ERICH6: variants seen among roughly 807,000 people sequenced by gnomAD.
ERICH6 encodes glutamate rich 6.
Under a neutral mutation model 71.0 loss-of-function variants are expected in ERICH6, and 71 were observed. That is an observed-to-expected ratio of 1.00 (90% CI 0.83 to 1.22). The LOEUF (loss-of-function observed/expected upper bound fraction) is 1.22. ERICH6 is among the 50% of genes most tolerant of loss of function. ERICH6 has a pLI of 0.00. For missense variants in ERICH6, 808 were observed against 797.2 expected (o/e 1.01, Z -0.16); for synonymous variants, 262 against 278.4 (o/e 0.94, Z 0.59).
At chr3:150,672,264 CAT>C (rs57492414) in intron 11 of ERICH6, among the ~76,000 whole-genome samples, 12 of 123,546 alleles carry the variant, frequency 9.7e-5, no homozygotes, top group African/African-American at 9.7e-5. Context: ...TTTATATATA[CAT>C]ATATATATAT....
chr3:150,669,571 A>G, intron 11 of ERICH6, 120 bp from the exon 12 acceptor site: 1 of 1,062,030 alleles, frequency 9.4e-7, no homozygotes, highest in Non-Finnish European at 1.4e-6. Flanking sequence ...GAGGTACTAT[A>G]TTAATACAAA....
intron 13 of ERICH6, among the ~76,000 whole-genome samples, chr3:150,665,659 T>C (rs1481306702): frequency 1.3e-5 from 2 of 151,468 alleles, no homozygotes; most frequent in East Asian, 3.9e-4. Context: ...AAACCCTGTC[T>C]CTACTAAAAA....
Position 150,660,017 on chromosome 3 carries a change from C to G in ERICH6, c.1867G>C (p.Glu623Gln). ...CVNFPSSQVW[E>Q]KLKQPSYLSS... ...AGGTAGGAAGGTTGCTTTAATTTTT[C>G]CCAAACCTGGCTTGAGGGAAAATTC... The change falls in exon 14 of 14, where the codon GAA becomes CAA. Residue 623 changes from glutamate to glutamine, a missense_variant. Physicochemically the swap from Glu to Gln is conservative, Grantham distance 29. Around this residue, in one of 3 missense-constraint regions of ERICH6, gnomAD observed 736 missense variants for 712.2 expected, o/e 1.03. Transcript: ENST00000295910. 6.2e-7 allele frequency: 1 copy of G among 1,614,102 alleles called. No individual in the cohort carries two copies.
intron 10 of ERICH6, 67 bp downstream of exon 10, chr3:150,678,342 A>C (rs549030392): frequency 6.9e-7 from 1 of 1,456,682 alleles, no homozygotes; most frequent in East Asian, 2.4e-5. Context: ...TTCATGAAAG[A>C]CTTTATAATT....
At chr3:150,696,990 G>C (rs1459541843) in intron 3 of ERICH6, among the ~76,000 whole-genome samples, 28 of 152,216 alleles carry the variant, frequency 1.8e-4, no homozygotes, top group Middle Eastern at 3.4e-3. Flanking sequence ...AAATATCTAG[G>C]AACAATTTTA....
At chr3:150,683,197 G>A (rs1461632344) in intron 6 of ERICH6, among the ~76,000 whole-genome samples, 1 of 152,250 alleles carries the variant, frequency 6.6e-6, no homozygotes, top group Non-Finnish European at 1.5e-5. Flanking sequence ...CTACCCCAGA[G>A]TAATGTCCAA....
chr3:150,703,905 C>T lies in ERICH6; in HGVS notation c.-7G>A. The T allele has an allele frequency of 1.2e-6, 2 of 1,612,544 alleles. No homozygotes were observed. The highest frequency in any genetic ancestry group is 1.7e-6 in the Non-Finnish European group (2 of 1,179,136). ...GCGAGCGCAAGTGGGCCATGGCTGG[C>T]GGGAGGCGGGATTACAGCCAGCTCT... On this transcript the variant is annotated 5_prime_UTR_variant, in exon 1 of 14. Coordinates refer to ENST00000295910, the MANE Select transcript of ERICH6 (RefSeq NM_152394.5).
At chr3:150,674,351 C>A (rs1711570680) in intron 10 of ERICH6, among the ~76,000 whole-genome samples, 1 of 152,020 alleles carries the variant, frequency 6.6e-6, no homozygotes, top group Non-Finnish European at 1.5e-5. Context: ...AAAACCAGCC[C>A]CAGCACAATG....
intron 11 of ERICH6, among the ~76,000 whole-genome samples, chr3:150,671,540 G>C (rs1711501616): frequency 6.6e-6 from 1 of 152,148 alleles, no homozygotes; most frequent in Non-Finnish European, 1.5e-5. Context: ...TTCTGGGGTG[G>C]AGGGATGGCA....
chr3:150,681,807 CTTT>C (rs34909258), intron 7 of ERICH6, among the ~76,000 whole-genome samples: 6 of 70,276 alleles, frequency 8.5e-5, no homozygotes, highest in African/African-American at 3.5e-4. Flanking sequence ...ACACATAACT[CTTT>C]TTTTTTTTTT....
At chr3:150,680,567 A>C in intron 8 of ERICH6, 29 bp from the exon 9 acceptor site, 1 of 1,613,124 alleles carries the variant, frequency 6.2e-7, no homozygotes, top group South Asian at 1.1e-5. Flanking sequence ...TCAGGCATAA[A>C]TCTGAAATGT....
chr3:150,691,803 T>C (rs1712446772), intron 3 of ERICH6, among the ~76,000 whole-genome samples: 1 of 152,166 alleles, frequency 6.6e-6, no homozygotes, highest in South Asian at 2.1e-4. Context: ...TTACAGAGCT[T>C]TGACTATTGG....
intron 1 of ERICH6, 108 bp downstream of exon 1, chr3:150,703,388 A>C: frequency 6.9e-7 from 1 of 1,441,620 alleles, no homozygotes. Flanking sequence ...TGCATTTAGA[A>C]ATCAGGCACG....
At chr3:150,675,205 A>G (rs1044098898) in intron 10 of ERICH6, among the ~76,000 whole-genome samples, 5 of 152,192 alleles carry the variant, frequency 3.3e-5, no homozygotes, top group African/African-American at 1.2e-4. Context: ...ACTTCTGTGA[A>G]ATTTTGCTTC....
intron 10 of ERICH6, among the ~76,000 whole-genome samples, chr3:150,676,112 C>T (rs1559913130): frequency 6.6e-6 from 1 of 151,940 alleles, no homozygotes; most frequent in Non-Finnish European, 1.5e-5. Flanking sequence ...CATACACTCT[C>T]TCTTGTGTTT....
chr3:150,702,083 G>T (rs1411396839), intron 2 of ERICH6, 38 bp downstream of exon 2: 4 of 1,314,412 alleles, frequency 3.0e-6, no homozygotes, highest in Non-Finnish European at 4.3e-6. Context: ...AAACATTATT[G>T]GGTTCAAAAA....
At chr3:150,671,010 A>G (rs1711499705) in intron 11 of ERICH6, among the ~76,000 whole-genome samples, 1 of 152,190 alleles carries the variant, frequency 6.6e-6, no homozygotes, top group Non-Finnish European at 1.5e-5. Context: ...CTGTAGTCCC[A>G]GCTGCTTGGG....
chr3:150,682,520 G>A (rs552815683), intron 6 of ERICH6, among the ~76,000 whole-genome samples: 1 of 152,270 alleles, frequency 6.6e-6, no homozygotes, highest in African/African-American at 2.4e-5. Context: ...TCTGTCTGGT[G>A]CAATTCCCCA....
intron 1 of ERICH6, among the ~76,000 whole-genome samples, chr3:150,703,267 T>A (rs991328098): frequency 6.6e-6 from 1 of 151,692 alleles, no homozygotes; most frequent in South Asian, 2.1e-4. Context: ...CAAGTTCAAC[T>A]TTTATGGTGT....
Sources: gnomAD v4.1 joint callset for allele counts (sites outside exome capture counted in the v4.1 genomes callset) on GRCh38, gnomAD v4.1.1 for gene constraint, gnomAD v4.1.1 regional missense constraint, MANE v1.5 for transcripts, NCBI Gene and HGNC (gene_info 2026-07-23, HGNC 2026-07-21) for gene names.